GRHL2: variants seen among roughly 807,000 people sequenced by gnomAD.
The protein encoded by GRHL2 is grainyhead like transcription factor 2, also known as grainyhead-like protein 2 homolog.
In GRHL2, 21 loss-of-function variants were observed where a neutral mutation model predicts 83.8. The observed-to-expected ratio is 0.25, with a 90% confidence interval of 0.18 to 0.36. GRHL2 has a LOEUF of 0.36. GRHL2 is among the 10% of genes least tolerant of loss of function. The pLI is 1.00. For missense variants in GRHL2, 623 were observed against 781.8 expected (o/e 0.80, Z 2.42); for synonymous variants, 280 against 278.9 (o/e 1.00, Z -0.04).
intron 9 of GRHL2, among the ~76,000 whole-genome samples, chr8:101,620,449 A>G (rs1812942347): frequency 1.3e-5 from 2 of 152,212 alleles, no homozygotes; most frequent in African/African-American, 4.8e-5. Context: ...ATGGGACCTC[A>G]TCTAGGACTT....
At chr8:101,556,959 T>G (rs1811499051) in intron 3 of GRHL2, among the ~76,000 whole-genome samples, 1 of 152,150 alleles carries the variant, frequency 6.6e-6, no homozygotes, top group Non-Finnish European at 1.5e-5. Context: ...GTACAGAGAA[T>G]AGTGTAATAA....
intron 14 of GRHL2, among the ~76,000 whole-genome samples, chr8:101,649,856 G>T (rs551220580): frequency 6.6e-6 from 1 of 152,080 alleles, no homozygotes; most frequent in Non-Finnish European, 1.5e-5. Flanking sequence ...TTCACTGGCC[G>T]TGATGGTGTA....
At chr8:101,517,358 C>T (rs189537785) in intron 1 of GRHL2, among the ~76,000 whole-genome samples, 76 of 152,248 alleles carry the variant, frequency 5.0e-4, no homozygotes, top group Middle Eastern at 3.4e-3. Flanking sequence ...GATTCATGGA[C>T]GCCTCCTTCC....
intron 11 of GRHL2, chr8:101,636,635 A>G (rs1350778513): frequency 1.9e-6 from 1 of 529,408 alleles, no homozygotes; most frequent in Non-Finnish European, 3.4e-6. Context: ...TTAGCTAGAA[A>G]TAATCAGATT....
intron 3 of GRHL2, among the ~76,000 whole-genome samples, chr8:101,553,623 CTTTTTTTTT>C (rs1184533206): frequency 5.6e-5 from 6 of 106,846 alleles, no homozygotes; most frequent in Non-Finnish European, 1.1e-4. Flanking sequence ...TCATCCACTT[CTTTTTTTTT>C]TTTTTTTTTT....
At chr8:101,524,777 TTAAAAAA>T (rs1810768931) in intron 1 of GRHL2, among the ~76,000 whole-genome samples, 1 of 152,148 alleles carries the variant, frequency 6.6e-6, no homozygotes, top group African/African-American at 2.4e-5. Context: ...TCATGGGTAC[TTAAAAAA>T]TAATACTGGC....
At chr8:101,594,110 T>G (rs1196853569) in intron 7 of GRHL2, among the ~76,000 whole-genome samples, 302 of 107,492 alleles carry the variant, frequency 2.8e-3, no homozygotes, top group South Asian at 4.8e-3. Flanking sequence ...AGAGAGATAG[T>G]GAAGGGGGAA....
chr8:101,574,678 G>T (rs998749949), intron 6 of GRHL2, among the ~76,000 whole-genome samples: 1 of 152,234 alleles, frequency 6.6e-6, no homozygotes, highest in South Asian at 2.1e-4. Context: ...CAGGTTCCAC[G>T]CAAGGCTGAG....
intron 7 of GRHL2, among the ~76,000 whole-genome samples, chr8:101,578,133 C>T (rs950336964): frequency 6.6e-6 from 1 of 152,178 alleles, no homozygotes; most frequent in Non-Finnish European, 1.5e-5. Context: ...TGGAAGGCAA[C>T]ACTCATGCCC....
chr8:101,612,946 G>A (rs1812782163), intron 8 of GRHL2, among the ~76,000 whole-genome samples: 1 of 150,950 alleles, frequency 6.6e-6, no homozygotes, highest in African/African-American at 2.5e-5. Flanking sequence ...GCGATGAAGA[G>A]AGGAGAAAAG....
intron 8 of GRHL2, among the ~76,000 whole-genome samples, chr8:101,599,891 T>G (rs1327939508): frequency 6.6e-6 from 1 of 152,196 alleles, no homozygotes; most frequent in East Asian, 1.9e-4. Flanking sequence ...CTTTCTGTGT[T>G]CCTTAGCTTC....
At chr8:101,527,973 T>G (rs1810841464) in intron 1 of GRHL2, among the ~76,000 whole-genome samples, 1 of 152,226 alleles carries the variant, frequency 6.6e-6, no homozygotes, top group Non-Finnish European at 1.5e-5. Context: ...AAATTTAATC[T>G]TCAACCCAAA....
chr8:101,583,182 G>T (rs1235074969), intron 7 of GRHL2, among the ~76,000 whole-genome samples: 2 of 152,150 alleles, frequency 1.3e-5, no homozygotes, highest in Non-Finnish European at 2.9e-5. Flanking sequence ...GGGGATTTTT[G>T]GCAGGTTTGT....
At chr8:101,494,888 G>C (rs1233948049) in intron 1 of GRHL2, among the ~76,000 whole-genome samples, 1 of 152,202 alleles carries the variant, frequency 6.6e-6, no homozygotes, top group East Asian at 1.9e-4. Context: ...CTTTTATCTA[G>C]TCGTGGTTTC....
chr8:101,497,406 T>G lies in GRHL2; in HGVS notation c.20+4617T>G, dbSNP rs149051543. ...CATCAGAAAACATGGATTTGTCCAC[T>G]GTGTCTGGAGGAACACTGCATAGCA... On this transcript the variant is annotated intron_variant, in intron 1 of 15. Transcript: ENST00000646743. 3.9e-5 allele frequency among the ~76,000 whole-genome samples: 6 copies of G among 152,372 alleles called. No individual in the cohort carries two copies. The East Asian group carries it at 1.2e-3, about 29-fold the overall frequency.
At chr8:101,501,245 C>G (rs1450155962) in intron 1 of GRHL2, among the ~76,000 whole-genome samples, 1 of 152,164 alleles carries the variant, frequency 6.6e-6, no homozygotes, top group Non-Finnish European at 1.5e-5. Context: ...TGGCAATGAA[C>G]TTTGTGGGGA....
intron 4 of GRHL2, chr8:101,561,863 T>C (rs570992099): frequency 4.9e-6 from 2 of 410,272 alleles, no homozygotes; most frequent in African/African-American, 4.1e-5. Flanking sequence ...TGATGTTTTG[T>C]AGATGGCAAT....
At chr8:101,496,560 C>CTG (rs1404158097) in intron 1 of GRHL2, among the ~76,000 whole-genome samples, 2 of 152,052 alleles carry the variant, frequency 1.3e-5, no homozygotes, top group Admixed American at 6.5e-5. Context: ...ATGGTGCTTA[C>CTG]TGTGTGTGTG....
intron 1 of GRHL2, among the ~76,000 whole-genome samples, chr8:101,497,974 T>A (rs1810142530): frequency 6.6e-6 from 1 of 152,202 alleles, no homozygotes; most frequent in African/African-American, 2.4e-5. Context: ...AAGGGGAATA[T>A]GTTTCCAGAG....
Sources: gnomAD v4.1 joint callset for allele counts (sites outside exome capture counted in the v4.1 genomes callset) on GRCh38, gnomAD v4.1.1 for gene constraint, MANE v1.5 for transcripts, NCBI Gene and HGNC (gene_info 2026-07-23, HGNC 2026-07-21) for gene names.